Variants in HTT observed in about 807,000 individuals in gnomAD.
HTT encodes the protein huntingtin.
HTT carries 104 observed loss-of-function variants against 362.3 expected under a neutral mutation model. That is an observed-to-expected ratio of 0.29 (90% CI 0.24 to 0.34). HTT has a LOEUF of 0.34. HTT is among the 10% of genes least tolerant of loss of function. HTT has a pLI of 1.00. For synonymous variants in HTT, 1,577 were observed against 1,548.7 expected (o/e 1.02, Z -0.43); for missense variants, 3,301 against 3,928.6 (o/e 0.84, Z 4.27).
intron 29 of HTT, 58 bp downstream of exon 29, chr4:3,160,450 T>G: frequency 8.6e-7 from 1 of 1,156,796 alleles, no homozygotes; most frequent in Non-Finnish European, 1.3e-6. Flanking sequence ...GTGCGTCTTC[T>G]GGGCTGAGTT....
intron 1 of HTT, among the ~76,000 whole-genome samples, chr4:3,075,451 G>T (rs1712472497): frequency 6.6e-6 from 1 of 152,182 alleles, no homozygotes; most frequent in South Asian, 2.1e-4. Context: ...ACCAGGGCGG[G>T]GGTTCTTTTA....
chr4:3,119,734 G>A (rs760005104), intron 8 of HTT, among the ~76,000 whole-genome samples: 16 of 152,236 alleles, frequency 1.1e-4, no homozygotes, highest in Non-Finnish European at 2.4e-4. Context: ...TTTAGGAGGG[G>A]GCAGATGAGG....
chr4:3,224,056 A>G lies in HTT; in HGVS notation c.7690A>G (p.Lys2564Glu), dbSNP rs780869000. ...VEQEIQAMVS[K>E]RENIATHHLY... ...GCAAGAGATTCAAGCAATGGTTTCA[A>G]AGAGAGAGAATATTGCCACCCATCA... is the stretch of plus-strand genomic sequence containing the variant. Residue 2564 changes from lysine (K) to glutamate (E), a missense_variant, in exon 56 of 67, where the codon AAG becomes GAG. Lys to Glu is a moderately conservative substitution (Grantham distance 56). Coordinates refer to ENST00000355072, the MANE Select transcript of HTT (RefSeq NM_001388492.1). 1.9e-6 allele frequency: 3 copies of G among 1,613,880 alleles called. No individual in the cohort carries two copies. The highest frequency in any genetic ancestry group is 1.3e-5 in the African/African-American group (1 of 74,940).
intron 31 of HTT, among the ~76,000 whole-genome samples, chr4:3,173,504 C>A (rs143308467): frequency 4.1e-4 from 63 of 152,254 alleles, no homozygotes; most frequent in African/African-American, 1.3e-3. Context: ...AGTGGTGTGG[C>A]ATGTGTTGGT....
At chr4:3,100,506 T>C (rs1238941305) in intron 3 of HTT, among the ~76,000 whole-genome samples, 2 of 152,222 alleles carry the variant, frequency 1.3e-5, no homozygotes, top group Non-Finnish European at 2.9e-5. Context: ...GCTCCCTGTC[T>C]TGTCCCTAGA....
intron 37 of HTT, among the ~76,000 whole-genome samples, chr4:3,184,389 C>T (rs80183816): frequency 1.5e-3 from 224 of 151,476 alleles, no homozygotes; most frequent in African/African-American, 5.3e-3. Flanking sequence ...AGAGGGTTTG[C>T]GCTGATGTGG....
intron 37 of HTT, 86 bp from the exon 38 acceptor site, chr4:3,186,511 T>C (rs1718764031): frequency 1.4e-6 from 2 of 1,437,196 alleles, no homozygotes; most frequent in Non-Finnish European, 9.7e-7. Flanking sequence ...TTATGATGAT[T>C]TGCCCTTGAG....
chr4:3,168,116 C>G (rs1469037158), intron 29 of HTT, among the ~76,000 whole-genome samples: 1 of 152,248 alleles, frequency 6.6e-6, no homozygotes, highest in African/African-American at 2.4e-5. Flanking sequence ...ATCTCCCTCA[C>G]TGACTCACAG....
At chr4:3,109,753 G>C (rs1714639276) in intron 6 of HTT, among the ~76,000 whole-genome samples, 1 of 152,114 alleles carries the variant, frequency 6.6e-6, no homozygotes, top group Non-Finnish European at 1.5e-5. Context: ...TGGGGAGGAG[G>C]AGGAGGACAG....
At chr4:3,202,889 C>G (rs556752499) in intron 41 of HTT, 16 of 152,320 alleles carry the variant, frequency 1.1e-4, no homozygotes, top group African/African-American at 3.9e-4. Flanking sequence ...CCCTGTAGTT[C>G]AGCTGCTTGG....
At chr4:3,156,063 C>T (rs1717130040) in intron 27 of HTT, among the ~76,000 whole-genome samples, 1 of 152,172 alleles carries the variant, frequency 6.6e-6, no homozygotes, top group Non-Finnish European at 1.5e-5. Context: ...CCATGCTATA[C>T]AGTAGATCTC....
intron 21 of HTT, among the ~76,000 whole-genome samples, chr4:3,139,485 A>G (rs2110197068): frequency 6.6e-6 from 1 of 152,310 alleles, no homozygotes; most frequent in East Asian, 1.9e-4. Flanking sequence ...GGCGTGAGCC[A>G]CCGTACCCAG....
At chr4:3,078,235 C>T (rs554364238) in intron 1 of HTT, among the ~76,000 whole-genome samples, 175 of 152,340 alleles carry the variant, frequency 1.1e-3, no homozygotes, top group Non-Finnish European at 2.0e-3. Flanking sequence ...ATTCATTCAT[C>T]AGTAAATATT....
At chr4:3,174,679 G>T (rs754072456) in intron 31 of HTT, 42 bp from the exon 32 acceptor site, 2 of 1,442,544 alleles carry the variant, frequency 1.4e-6, no homozygotes, top group Non-Finnish European at 2.0e-6. Flanking sequence ...ATTATTTAAA[G>T]ATATTCTCAT....
intron 37 of HTT, among the ~76,000 whole-genome samples, 165 bp from the exon 38 acceptor site, chr4:3,186,432 A>G (rs937542820): frequency 6.6e-6 from 1 of 152,210 alleles, no homozygotes; most frequent in Admixed American, 6.5e-5. Context: ...GTGTTGTTGT[A>G]AAAATGTTTG....
intron 38 of HTT, 128 bp downstream of exon 38, chr4:3,186,847 T>TC (rs1718785284): frequency 1.2e-6 from 1 of 866,652 alleles, no homozygotes; most frequent in East Asian, 2.9e-5. Flanking sequence ...GCTTTTTTTT[T>TC]TTTTTTTTTT....
chr4:3,162,532 C>T (rs1246252129), intron 29 of HTT, among the ~76,000 whole-genome samples: 4 of 152,192 alleles, frequency 2.6e-5, no homozygotes, highest in Admixed American at 1.3e-4. Flanking sequence ...GCCATTTTCA[C>T]GATATTGATT....
intron 52 of HTT, among the ~76,000 whole-genome samples, chr4:3,219,035 G>A (rs192421017): frequency 6.6e-5 from 10 of 152,326 alleles, no homozygotes; most frequent in South Asian, 2.1e-4. Context: ...GGATTCTGCC[G>A]CAGGGAATGA....
intron 46 of HTT, 72 bp from the exon 47 acceptor site, chr4:3,209,755 G>A: frequency 6.3e-7 from 1 of 1,586,416 alleles, no homozygotes; most frequent in Non-Finnish European, 8.6e-7. Flanking sequence ...GCCTAGGCCT[G>A]TAGCTCCAGG....
Sources: allele counts gnomAD v4.1 joint callset (sites outside exome capture counted in the v4.1 genomes callset), GRCh38; gene constraint gnomAD v4.1.1; transcripts MANE v1.5; gene names NCBI Gene and HGNC (gene_info 2026-07-23, HGNC 2026-07-21).